The following SSPN variants were observed in gnomAD, a reference collection of about 807,000 sequenced individuals.
SSPN encodes K-ras oncogene-associated protein.
SSPN carries 15 observed loss-of-function variants against 19.1 expected under a neutral mutation model. The ratio of observed to expected loss-of-function variants is 0.78; its 90% CI spans 0.52 to 1.21. The LOEUF (loss-of-function observed/expected upper bound fraction) is 1.21. Ranked by LOEUF, SSPN falls within the 50% of genes most tolerant of loss-of-function variation. SSPN has a pLI of 0.00. For synonymous variants in SSPN, 147 were observed against 140.3 expected (o/e 1.05, Z -0.34); for missense variants, 291 against 314.0 (o/e 0.93, Z 0.55).
intron 1 of SSPN, among the ~76,000 whole-genome samples, chr12:26,188,248 A>G (rs892540020): frequency 6.6e-6 from 1 of 152,194 alleles, no homozygotes; most frequent in Non-Finnish European, 1.5e-5. Flanking sequence ...ATAACCACAT[A>G]AAAATGAAAG....
At chr12:26,228,020 A>T (rs1162439700) in intron 2 of SSPN, among the ~76,000 whole-genome samples, 1 of 152,234 alleles carries the variant, frequency 6.6e-6, no homozygotes, top group East Asian at 1.9e-4. Flanking sequence ...ATCTTTTTCA[A>T]CTATTTGAAT....
At chr12:26,227,218 A>G (rs1945187318) in intron 2 of SSPN, among the ~76,000 whole-genome samples, 1 of 152,148 alleles carries the variant, frequency 6.6e-6, no homozygotes, top group South Asian at 2.1e-4. Context: ...GTTAAAAGCC[A>G]TGAAGGAAAA....
intron 1 of SSPN, among the ~76,000 whole-genome samples, chr12:26,205,730 A>G (rs1944925574): frequency 6.6e-6 from 1 of 152,230 alleles, no homozygotes; most frequent in Admixed American, 6.5e-5. Flanking sequence ...TCCCTAAGGC[A>G]AATGTATGAT....
chr12:26,134,092 A>T (rs182186645), intron 1 of SSPN, among the ~76,000 whole-genome samples: 9 of 152,388 alleles, frequency 5.9e-5, no homozygotes, highest in Admixed American at 5.9e-4. Context: ...AGTGGCCTGA[A>T]TATGACTTAG....
rs117270151 is a variant in SSPN at position 26,155,950 on chromosome 12, T to C, written c.-31+33798T>C. 2.3e-4 allele frequency among the ~76,000 whole-genome samples: 35 copies of C among 152,278 alleles called. No homozygotes were observed. In the East Asian group the frequency reaches 2.9e-3, roughly 13 times the overall value. The stretch of plus-strand genomic sequence containing the variant: ...AGACAAAAGCTCCTGTGTGTAACCA[T>C]TCAGCTGAAGTGCTTGCTCAAAGGG... On this transcript the variant is annotated intron_variant, in intron 1 of 2. Transcript: ENST00000538142.
intron 1 of SSPN, among the ~76,000 whole-genome samples, chr12:26,150,745 T>A (rs1317780677): frequency 6.6e-6 from 1 of 152,178 alleles, no homozygotes; most frequent in Non-Finnish European, 1.5e-5. Context: ...TGCTAGTGGA[T>A]TTTGGAAGGA....
intron 1 of SSPN, among the ~76,000 whole-genome samples, chr12:26,165,122 A>G (rs1407735695): frequency 6.6e-6 from 1 of 152,220 alleles, no homozygotes; most frequent in Admixed American, 6.5e-5. Flanking sequence ...TAATCGAAAA[A>G]TTCTGAACTT....
intron 1 of SSPN, among the ~76,000 whole-genome samples, chr12:26,142,967 G>T (rs1420839022): frequency 6.6e-6 from 1 of 152,180 alleles, no homozygotes; most frequent in Admixed American, 6.5e-5. Flanking sequence ...CCTGTATTAT[G>T]ATGATTGTCA....
intron 1 of SSPN, among the ~76,000 whole-genome samples, chr12:26,138,162 A>G (rs1026072064): frequency 6.6e-6 from 1 of 152,204 alleles, no homozygotes; most frequent in African/African-American, 2.4e-5. Context: ...CTAATATGAC[A>G]TAAACACTAT....
chr12:26,202,838 A>G (rs573909349), intron 1 of SSPN, among the ~76,000 whole-genome samples: 23 of 152,358 alleles, frequency 1.5e-4, no homozygotes, highest in Non-Finnish European at 2.4e-4. Context: ...ATGTTACTGT[A>G]GGATAGTGTA....
At chr12:26,166,469 A>G (rs1944621950) in intron 1 of SSPN, among the ~76,000 whole-genome samples, 1 of 152,262 alleles carries the variant, frequency 6.6e-6, no homozygotes, top group Admixed American at 6.5e-5. Context: ...TGTACATTGT[A>G]CATTGAGAGC....
intron 1 of SSPN, among the ~76,000 whole-genome samples, chr12:26,129,384 C>T (rs1737701917): frequency 6.6e-6 from 1 of 152,136 alleles, no homozygotes; most frequent in African/African-American, 2.4e-5. Context: ...ACAAAAGCTT[C>T]CCTAGGAATT....
At chr12:26,124,768 T>C (rs745613808) in intron 1 of SSPN, 4 of 1,614,232 alleles carry the variant, frequency 2.5e-6, no homozygotes, top group South Asian at 1.1e-5. Context: ...AATGAGGAAT[T>C]CCTTCGTCCA....
rs148629702 is a variant in SSPN, at chr12:26,185,991, T to C, written c.-30-38302T>C. Among the ~76,000 whole-genome samples, 11 of 152,350 alleles carry C rather than the reference T, an allele frequency of 7.2e-5. No individual in the cohort carries two copies. In the East Asian group the frequency reaches 2.1e-3, roughly 29 times the overall value. ...GGCAATATCAGGCACTCCATAAATG[T>C]TTCTTGAATGAACTAAAGAAAGAAT... On this transcript the variant is annotated intron_variant, in intron 1 of 2. Coordinates refer to the SSPN transcript ENST00000538142.
rs7972225 is a variant in SSPN at position 26,123,825 on chromosome 12, A to G, written c.-31+1673A>G. 7,367 of 906,370 alleles carry G rather than the reference A, an allele frequency of 8.1e-3. 374 individuals are homozygous for G. In the African/African-American group the frequency reaches 0.1, roughly 13 times the overall value. 56.1% of individuals were successfully genotyped at this position (906,370 alleles called of 1,614,324 possible). Reference sequence around the variant, plus strand: ...AATTGGCTGTCCATTCAGCACAGCAATTTAAGCAAACACTTTGAAAGAAGT... The same window carrying G: ...AATTGGCTGTCCATTCAGCACAGCAGTTTAAGCAAACACTTTGAAAGAAGT... On this transcript the variant is annotated intron_variant, in intron 1 of 2. Coordinates refer to the SSPN transcript ENST00000538142.
chr12:26,230,168 GGATTCTC>G (rs1945215193), intron 2 of SSPN, among the ~76,000 whole-genome samples: 1 of 152,002 alleles, frequency 6.6e-6, no homozygotes, highest in African/African-American at 2.4e-5. Flanking sequence ...CTCCTACTGG[GGATTCTC>G]ATGTTTATGG....
intron 1 of SSPN, among the ~76,000 whole-genome samples, chr12:26,219,816 C>T (rs73295084): frequency 0.052 from 7,958 of 152,268 alleles, 714 homozygotes; most frequent in African/African-American, 0.18. Flanking sequence ...GTGCCACACA[C>T]GTGCCATTTG....
intron 1 of SSPN, among the ~76,000 whole-genome samples, chr12:26,208,028 G>C (rs546627861): frequency 7.0e-6 from 1 of 143,294 alleles, no homozygotes; most frequent in Non-Finnish European, 1.5e-5. Flanking sequence ...TGGGGGGGGG[G>C]GATATATAAC....
At chr12:26,123,768 C>T in intron 1 of SSPN, 1 of 1,463,528 alleles carries the variant, frequency 6.8e-7, no homozygotes, top group South Asian at 1.1e-5. Context: ...AAGAAACGGG[C>T]ACTTGGTTAC....
Sources: gnomAD v4.1 joint callset for allele counts (sites outside exome capture counted in the v4.1 genomes callset) on GRCh38, gnomAD v4.1.1 for gene constraint, MANE v1.5 for transcripts, NCBI Gene and HGNC (gene_info 2026-07-23, HGNC 2026-07-21) for gene names.